Variants in SH3RF3 observed in about 807,000 individuals in gnomAD.
SH3RF3 encodes the protein SH3 domain containing ring finger 3.
Under a neutral mutation model 66.3 loss-of-function variants are expected in SH3RF3, and 29 were observed. The ratio of observed to expected loss-of-function variants is 0.44; its 90% CI spans 0.33 to 0.60. The LOEUF (loss-of-function observed/expected upper bound fraction) is 0.60, where lower values mean the gene tolerates loss of function less well. SH3RF3 is among the 20% of genes least tolerant of loss of function. The pLI is 0.04. For synonymous variants in SH3RF3, 583 were observed against 532.0 expected (o/e 1.10, Z -1.32); for missense variants, 1,194 against 1,190.9 (o/e 1.00, Z -0.04).
chr2:109,191,726 C>G (rs969327867), intron 1 of SH3RF3, among the ~76,000 whole-genome samples: 2 of 152,082 alleles, frequency 1.3e-5, no homozygotes, highest in Non-Finnish European at 2.9e-5. Context: ...GGTGCTGATG[C>G]GAGGGGAAGC....
chr2:109,143,763 AAAAC>A (rs140368471), intron 1 of SH3RF3, among the ~76,000 whole-genome samples: 62,277 of 150,766 alleles, frequency 0.41, 14,607 homozygotes, highest in Non-Finnish European at 0.54. Flanking sequence ...GAAACAAAAC[AAAAC>A]AAACAAACAA....
intron 1 of SH3RF3, among the ~76,000 whole-genome samples, chr2:109,286,391 C>G (rs892048647): frequency 6.6e-6 from 1 of 152,190 alleles, no homozygotes; most frequent in Non-Finnish European, 1.5e-5. Context: ...CAAAGGCAAG[C>G]AGGAACCTGG....
At chr2:109,427,997 T>C (rs559917195) in intron 5 of SH3RF3, among the ~76,000 whole-genome samples, 179 of 152,352 alleles carry the variant, frequency 1.2e-3, no homozygotes, top group African/African-American at 4.2e-3. Flanking sequence ...CTGAGCCTGC[T>C]TCAGCCCTTC....
rs180714720 is a variant in SH3RF3 at position 109,140,628 on chromosome 2, G to T, written c.573+10515G>T. Among the ~76,000 whole-genome samples, 1,125 of 152,238 alleles carry T rather than the reference G, an allele frequency of 7.4e-3. 8 individuals carry two copies. The highest frequency in any genetic ancestry group is 0.011 in the Non-Finnish European group (762 of 68,002). On this transcript the variant is annotated intron_variant, in intron 1 of 9. Coordinates refer to ENST00000309415, the MANE Select transcript of SH3RF3 (RefSeq NM_001099289.3). ...GATCTCCTGACCTCATGATCCACCT[G>T]CCTCAGCCTCCCAAAGTGCTGGGAT...
chr2:109,494,465 T>C (rs1679205121), intron 9 of SH3RF3, among the ~76,000 whole-genome samples: 1 of 151,954 alleles, frequency 6.6e-6, no homozygotes, highest in African/African-American at 2.4e-5. Context: ...GCTGAGGGCA[T>C]GACTGGGAAA....
intron 8 of SH3RF3, among the ~76,000 whole-genome samples, chr2:109,454,862 G>GA (rs1473837685): frequency 2.6e-5 from 4 of 151,838 alleles, no homozygotes; most frequent in Non-Finnish European, 5.9e-5. Flanking sequence ...AAGAGAATTG[G>GA]AAAAACTGCT....
intron 6 of SH3RF3, among the ~76,000 whole-genome samples, chr2:109,436,552 C>T (rs1334941718): frequency 6.6e-6 from 1 of 152,246 alleles, no homozygotes; most frequent in African/African-American, 2.4e-5. Flanking sequence ...ATGACTGAGT[C>T]ATCTGTTCTT....
At chr2:109,458,342 T>C (rs566169988) in intron 8 of SH3RF3, among the ~76,000 whole-genome samples, 2 of 152,292 alleles carry the variant, frequency 1.3e-5, no homozygotes, top group South Asian at 4.2e-4. Flanking sequence ...TGCTATAGGA[T>C]TTCTTTGTAA....
At chr2:109,214,730 T>A (rs1679069070) in intron 1 of SH3RF3, among the ~76,000 whole-genome samples, 1 of 152,166 alleles carries the variant, frequency 6.6e-6, no homozygotes, top group Non-Finnish European at 1.5e-5. Flanking sequence ...CAGCTGCAAC[T>A]CTGGTGACAT....
intron 1 of SH3RF3, among the ~76,000 whole-genome samples, chr2:109,334,142 T>C (rs978257061): frequency 1.3e-5 from 2 of 152,136 alleles, no homozygotes. Flanking sequence ...GAGGACTGTT[T>C]GAGCCCACAA....
intron 4 of SH3RF3, among the ~76,000 whole-genome samples, chr2:109,418,788 C>G (rs1676793438): frequency 6.6e-6 from 1 of 152,198 alleles, no homozygotes; most frequent in Admixed American, 6.5e-5. Context: ...AGACAGGACA[C>G]TGTCCTAGGG....
intron 4 of SH3RF3, among the ~76,000 whole-genome samples, chr2:109,410,338 C>G (rs1676556099): frequency 6.6e-6 from 1 of 152,244 alleles, no homozygotes; most frequent in Admixed American, 6.5e-5. Context: ...GAGAGAGATG[C>G]AGGAGCAATG....
chr2:109,376,461 A>G (rs935463567), intron 3 of SH3RF3, among the ~76,000 whole-genome samples: 2 of 152,218 alleles, frequency 1.3e-5, no homozygotes, highest in African/African-American at 2.4e-5. Context: ...CTTAGAAGGC[A>G]TGTTAGCAAA....
intron 1 of SH3RF3, among the ~76,000 whole-genome samples, chr2:109,215,822 A>T (rs1322859985): frequency 6.6e-6 from 1 of 152,044 alleles, no homozygotes; most frequent in African/African-American, 2.4e-5. Flanking sequence ...AGGTTGCACG[A>T]GTTTGTTCCT....
At chr2:109,283,224 G>A (rs1349820726) in intron 1 of SH3RF3, among the ~76,000 whole-genome samples, 1 of 152,164 alleles carries the variant, frequency 6.6e-6, no homozygotes, top group African/African-American at 2.4e-5. Flanking sequence ...CCCCAGCCTG[G>A]CAGTCTCCCG....
At chr2:109,190,660 C>T (rs17035099) in intron 1 of SH3RF3, among the ~76,000 whole-genome samples, 2,074 of 152,182 alleles carry the variant, frequency 0.014, 53 homozygotes, top group African/African-American at 0.044. Flanking sequence ...TGTTTCATTT[C>T]TACAGTCTAT....
intron 4 of SH3RF3, among the ~76,000 whole-genome samples, chr2:109,405,213 C>T (rs533177070): frequency 1.8e-4 from 28 of 152,304 alleles, no homozygotes; most frequent in Admixed American, 8.5e-4. Flanking sequence ...TCAACTTCAG[C>T]GCATGCCAGG....
intron 1 of SH3RF3, among the ~76,000 whole-genome samples, chr2:109,340,373 G>A (rs1236626692): frequency 6.6e-6 from 1 of 152,200 alleles, no homozygotes; most frequent in Non-Finnish European, 1.5e-5. Context: ...GGCAAGGTCT[G>A]GATGAGAGCC....
chr2:109,355,046 C>T (rs1682919823), intron 2 of SH3RF3, among the ~76,000 whole-genome samples: 1 of 152,194 alleles, frequency 6.6e-6, no homozygotes, highest in Non-Finnish European at 1.5e-5. Context: ...GGCTTACAAT[C>T]CTTTAGGACC....
Sources: gnomAD v4.1 joint callset for allele counts (sites outside exome capture counted in the v4.1 genomes callset) on GRCh38, gnomAD v4.1.1 for gene constraint, MANE v1.5 for transcripts, NCBI Gene and HGNC (gene_info 2026-07-23, HGNC 2026-07-21) for gene names.